FAT3: variants seen among roughly 807,000 people sequenced by gnomAD.
The protein encoded by FAT3 is FAT atypical cadherin 3, also known as protocadherin Fat 3.
A neutral mutation model predicts 310.2 loss-of-function variants in FAT3; 95 were observed. That is an observed-to-expected ratio of 0.31 (90% confidence interval 0.26 to 0.36). The LOEUF (loss-of-function observed/expected upper bound fraction) is 0.36, where lower values mean the gene tolerates loss of function less well. Among genes scored for constraint, FAT3 ranks in the 10% least tolerant of loss-of-function variants. The pLI is 1.00. For missense variants in FAT3, 5,408 were observed against 5,715.6 expected, an observed-to-expected ratio of 0.95 and a Z score of 1.74; for synonymous variants, 2,314 against 2,192.9, an observed-to-expected ratio of 1.06 and a Z score of -1.54.
chr11:92,301,275 T>C (rs1946990719), intron 1 of FAT3, among the ~76,000 whole-genome samples: 1 of 152,100 alleles, frequency 6.6e-6, no homozygotes, highest in Admixed American at 6.6e-5. Context: ...GGACATACAG[T>C]TGAAGGAAGA....
chr11:92,290,813 G>A (rs1269503840), intron 1 of FAT3, among the ~76,000 whole-genome samples: 1 of 151,898 alleles, frequency 6.6e-6, no homozygotes, highest in Non-Finnish European at 1.5e-5. Context: ...GAGGTATTCT[G>A]AGAACACTAG....
chr11:92,716,519 T>A (rs1944695457), intron 4 of FAT3, among the ~76,000 whole-genome samples: 1 of 152,204 alleles, frequency 6.6e-6, no homozygotes, highest in Non-Finnish European at 1.5e-5. Flanking sequence ...TCTTTTTACT[T>A]TTACAGAAAA....
chr11:92,665,772 G>A (rs1942929611), intron 3 of FAT3, among the ~76,000 whole-genome samples: 1 of 152,118 alleles, frequency 6.6e-6, no homozygotes, highest in African/African-American at 2.4e-5. Flanking sequence ...GAACTTTTAT[G>A]TTCATATTAT....
rs375394802 is a variant in FAT3, at chr11:92,263,183, G to A, written c.-18+38009G>A. ...TTCAGCATTTCTCTGTGTTAATCCTGTGAGGGTTGAGTGTTGTCGACAATT... is the reference window on the plus strand; with the variant it reads ...TTCAGCATTTCTCTGTGTTAATCCTATGAGGGTTGAGTGTTGTCGACAATT... On this transcript the variant is annotated intron_variant, in intron 1 of 27. Transcript: ENST00000525166. Among the ~76,000 whole-genome samples, 4 of 151,938 alleles carry A rather than the reference G, an allele frequency of 2.6e-5. No homozygotes were observed. In the South Asian group the frequency reaches 8.3e-4, roughly 32 times the overall value.
At position 92,893,865 on chromosome 11, in the gene FAT3, C is replaced by G. The variant is rs931402119; in HGVS notation, c.*2752C>G. On this transcript the variant is annotated 3_prime_UTR_variant, in exon 28 of 28. Transcript: ENST00000525166. ...TACTAGGTGGGGATGATCACTAATT[C>G]AAAAAAGCTGGAAGAATCCTATTTG... The G allele has an allele frequency of 2.6e-5, 4 of 152,124 alleles. No individual in the cohort carries two copies. The highest frequency in any genetic ancestry group is 5.9e-5 in the Non-Finnish European group (4 of 68,012). 9.4% of individuals were successfully genotyped at this position (152,124 alleles called of 1,614,324 possible).
intron 3 of FAT3, among the ~76,000 whole-genome samples, chr11:92,607,335 C>G (rs512905): frequency 0.56 from 85,233 of 151,796 alleles, 25,350 homozygotes; most frequent in African/African-American, 0.76. Flanking sequence ...GGGGAAATGA[C>G]TTGCCCAAAG....
chr11:92,255,259 T>C (rs1470525845), intron 1 of FAT3, among the ~76,000 whole-genome samples: 1 of 151,934 alleles, frequency 6.6e-6, no homozygotes, highest in African/African-American at 2.4e-5. Context: ...CTAACTTTAT[T>C]TAATAATTAT....
intron 2 of FAT3, among the ~76,000 whole-genome samples, chr11:92,408,666 T>C (rs1213692128): frequency 6.6e-6 from 1 of 152,208 alleles, no homozygotes; most frequent in Non-Finnish European, 1.5e-5. Flanking sequence ...ATGTTGGGAC[T>C]CCTCTTAGTG....
In FAT3 at chr11:92,352,696, A is replaced by T; in HGVS notation, c.584A>T (p.Tyr195Phe). The T allele has an allele frequency of 4.3e-6, 7 of 1,613,834 alleles. No individual in the cohort carries two copies. Among genetic ancestry groups the T allele is most frequent in the Non-Finnish European group, 5.9e-6 (7 of 1,179,862 alleles). Residue 195 changes from tyrosine (Y) to phenylalanine (F), a missense_variant, in exon 2 of 28, where the codon TAC (tyrosine) becomes TTC (phenylalanine). By Grantham distance (22) the Tyr-to-Phe change is conservative. Coordinates refer to ENST00000525166, the MANE Select transcript of FAT3 (RefSeq NM_001367949.2). ...ATTGGTTCCAATGGAGAATTCTACT[A>T]CTACTTTAAAAATAAAGTTGATCTC... is the stretch of plus-strand genomic sequence containing the variant. ...ADIGSNGEFY[Y>F]YFKNKVDLFS...
At chr11:92,248,965 A>G (rs1345937696) in intron 1 of FAT3, among the ~76,000 whole-genome samples, 3 of 152,092 alleles carry the variant, frequency 2.0e-5, no homozygotes, top group African/African-American at 4.8e-5. Flanking sequence ...AAGTGAATGG[A>G]TTACCTACGA....
intron 2 of FAT3, among the ~76,000 whole-genome samples, chr11:92,465,068 A>G (rs1367816456): frequency 6.6e-6 from 1 of 152,154 alleles, no homozygotes; most frequent in Non-Finnish European, 1.5e-5. Context: ...GAGAAAAAGC[A>G]TTTATTTGAT....
intron 4 of FAT3, among the ~76,000 whole-genome samples, chr11:92,741,963 A>G (rs764387397): frequency 1.2e-4 from 19 of 152,242 alleles, no homozygotes; most frequent in Non-Finnish European, 2.4e-4. Flanking sequence ...AGGAAAACAA[A>G]ACAGAATAAT....
At chr11:92,600,228 T>C (rs1939945538) in intron 3 of FAT3, among the ~76,000 whole-genome samples, 1 of 152,210 alleles carries the variant, frequency 6.6e-6, no homozygotes, top group Non-Finnish European at 1.5e-5. Context: ...TGTAAAATCA[T>C]AGTTGCTAAA....
At chr11:92,472,527 A>C (rs560971837) in intron 2 of FAT3, among the ~76,000 whole-genome samples, 1 of 152,222 alleles carries the variant, frequency 6.6e-6, no homozygotes, top group African/African-American at 2.4e-5. Flanking sequence ...GTCAAAAAGA[A>C]AAATAAAACT....
chr11:92,791,846 A>G lies in FAT3; in HGVS notation c.4612-921A>G, dbSNP rs997796979. On this transcript the variant is annotated intron_variant, in intron 8 of 27. Coordinates refer to ENST00000525166, the MANE Select transcript of FAT3 (RefSeq NM_001367949.2). ...TCAAACTTCTGCCATATGCAAACTA[A>G]AGGAAACTTTAAAACTGCCAAGCAA... Among the ~76,000 whole-genome samples the G allele has an allele frequency of 3.9e-5, 6 of 152,336 alleles. No homozygotes were observed. The South Asian group carries it at 6.2e-4, about 16-fold the overall frequency.
At chr11:92,838,157 G>C (rs1948452718) in intron 17 of FAT3, among the ~76,000 whole-genome samples, 1 of 152,182 alleles carries the variant, frequency 6.6e-6, no homozygotes, top group Non-Finnish European at 1.5e-5. Context: ...GTAAGTGGCA[G>C]AGTCAGGATT....
At chr11:92,767,251 C>CAAA (rs572259436) in intron 6 of FAT3, among the ~76,000 whole-genome samples, 149 of 58,934 alleles carry the variant, frequency 2.5e-3, no homozygotes, top group African/African-American at 8.4e-3. Flanking sequence ...GACTCTGTCT[C>CAAA]AAAAAAAAAA....
chr11:92,864,692 C>G (rs1949195841), intron 21 of FAT3, among the ~76,000 whole-genome samples: 1 of 152,022 alleles, frequency 6.6e-6, no homozygotes. Flanking sequence ...TGGCGCTTGC[C>G]TGTAATCCCA....
intron 2 of FAT3, among the ~76,000 whole-genome samples, chr11:92,412,656 C>T (rs1173680097): frequency 8.0e-5 from 10 of 124,370 alleles, no homozygotes; most frequent in African/African-American, 2.9e-4. Context: ...ATTTTATCTT[C>T]TTATGTTTTC....
Sources: gnomAD v4.1 joint callset for allele counts (sites outside exome capture counted in the v4.1 genomes callset) on GRCh38, gnomAD v4.1.1 for gene constraint, MANE v1.5 for transcripts, NCBI Gene and HGNC (gene_info 2026-07-23, HGNC 2026-07-21) for gene names.